Variants in FARP1 observed in about 807,000 individuals in gnomAD.
FARP1 encodes the protein FERM, ARHGEF and pleckstrin domain-containing protein 1.
FARP1 carries 52 observed loss-of-function variants against 128.8 expected under a neutral mutation model. The ratio of observed to expected loss-of-function variants is 0.40; its 90% confidence interval spans 0.32 to 0.51. The LOEUF is 0.51. FARP1 is among the 20% of genes least tolerant of loss of function. The pLI, the probability that FARP1 is intolerant of heterozygous loss-of-function variation, is 0.45. For missense variants in FARP1, 1,333 were observed against 1,367.9 expected, an observed-to-expected ratio of 0.97 and a Z score of 0.40; for synonymous variants, 580 against 551.8, an observed-to-expected ratio of 1.05 and a Z score of -0.72.
intron 16 of FARP1, among the ~76,000 whole-genome samples, chr13:98,418,297 T>G (rs1891466883): frequency 6.6e-6 from 1 of 151,772 alleles, no homozygotes; most frequent in Non-Finnish European, 1.5e-5. Flanking sequence ...TTTTTTGAGA[T>G]GGAGTTTCCC....
intron 2 of FARP1, among the ~76,000 whole-genome samples, chr13:98,287,871 G>T (rs1280687607): frequency 6.9e-6 from 1 of 145,778 alleles, no homozygotes; most frequent in Non-Finnish European, 1.5e-5. Flanking sequence ...GCACGGTCTC[G>T]GCTCACTGCA....
chr13:98,217,167 A>G lies in FARP1; in HGVS notation c.171+3754A>G, dbSNP rs191427017. 5.9e-5 allele frequency among the ~76,000 whole-genome samples: 9 copies of G among 152,382 alleles called. No individual in the cohort carries two copies. The East Asian group carries it at 1.3e-3, about 23-fold the overall frequency. On this transcript the variant is annotated intron_variant, in intron 2 of 26. Transcript: ENST00000319562. ...TCCTCTCCAAGTGTTTATTCAGTTT[A>G]TGTATTTTCATTAGCAGTGTTTCTA...
chr13:98,177,262 C>T (rs866495983), intron 1 of FARP1: 15 of 1,515,116 alleles, frequency 9.9e-6, no homozygotes, highest in African/African-American at 2.8e-5. Flanking sequence ...TCCCAACGGC[C>T]GTGGCGTGCG....
At chr13:98,433,177 T>G (rs1692316500) in intron 18 of FARP1, 1 of 152,132 alleles carries the variant, frequency 6.6e-6, no homozygotes, top group Non-Finnish European at 1.5e-5. Flanking sequence ...CTGCGCCCCA[T>G]GGACCCCGCA....
chr13:98,410,263 A>G (rs982085102), intron 14 of FARP1, among the ~76,000 whole-genome samples: 33 of 152,352 alleles, frequency 2.2e-4, no homozygotes, highest in African/African-American at 7.0e-4. Flanking sequence ...AAGGGAGTTC[A>G]GGCCGATGAT....
intron 2 of FARP1, among the ~76,000 whole-genome samples, chr13:98,343,557 G>T (rs539613028): frequency 6.6e-6 from 1 of 152,206 alleles, no homozygotes; most frequent in African/African-American, 2.4e-5. Context: ...AATGCTAAGA[G>T]ATTTGCATCC....
intron 2 of FARP1, among the ~76,000 whole-genome samples, chr13:98,292,982 G>A (rs1402777619): frequency 1.3e-5 from 2 of 151,976 alleles, no homozygotes; most frequent in East Asian, 3.9e-4. Context: ...AAATAATGGA[G>A]TCATTTCAAC....
intron 1 of FARP1, among the ~76,000 whole-genome samples, chr13:98,202,841 C>T (rs1273468134): frequency 6.6e-6 from 1 of 151,980 alleles, no homozygotes; most frequent in East Asian, 1.9e-4. Context: ...TGCCTCAGCA[C>T]TGCAAGTAGC....
intron 2 of FARP1, among the ~76,000 whole-genome samples, chr13:98,260,878 T>C (rs1393556574): frequency 1.3e-5 from 2 of 152,142 alleles, no homozygotes; most frequent in Non-Finnish European, 2.9e-5. Flanking sequence ...CAGGACACAA[T>C]TCCAAATCCC....
intron 17 of FARP1, among the ~76,000 whole-genome samples, chr13:98,425,285 C>T (rs897835538): frequency 2.0e-5 from 3 of 151,252 alleles, no homozygotes; most frequent in Non-Finnish European, 2.9e-5. Flanking sequence ...TTCTAATAAC[C>T]ATGACAAAAA....
intron 2 of FARP1, among the ~76,000 whole-genome samples, chr13:98,294,651 T>C (rs1885583593): frequency 6.6e-6 from 1 of 152,124 alleles, no homozygotes; most frequent in South Asian, 2.1e-4. Flanking sequence ...ACTTTAGAGA[T>C]TGGCTTTGTT....
At chr13:98,407,750 G>T (rs1034085442) in intron 13 of FARP1, among the ~76,000 whole-genome samples, 3 of 152,150 alleles carry the variant, frequency 2.0e-5, no homozygotes, top group Non-Finnish European at 4.4e-5. Flanking sequence ...AGGTACAGTG[G>T]ATCTTCCTCC....
chr13:98,374,883 G>A (rs1241810327), intron 5 of FARP1, among the ~76,000 whole-genome samples: 2 of 152,204 alleles, frequency 1.3e-5, no homozygotes, highest in Non-Finnish European at 2.9e-5. Context: ...GAGGAGGTGG[G>A]TGGAACAGGG....
rs199662757 is a variant in FARP1, at chr13:98,343,811, A to G, written c.221A>G (p.Asn74Ser). ...CTGGATGCAGTTTGCAACCACCTCA[A>G]CCTCGTGGAAGGTGACTATTTTGGC... The part of the protein sequence containing the change: ...VLLDAVCNHL[N>S]LVEGDYFGLE... The change falls in exon 3 of 27, where the codon AAC becomes AGC. Residue 74 changes from asparagine (N) to serine (S), a missense_variant. Physicochemically the swap from Asn to Ser is conservative, Grantham distance 46. Coordinates refer to ENST00000319562, the MANE Select transcript of FARP1 (RefSeq NM_005766.4). 1 of 1,614,050 alleles carries G rather than the reference A, an allele frequency of 6.2e-7. No homozygotes were observed. Among genetic ancestry groups the G allele is most frequent in the Admixed American group, 1.7e-5 (1 of 60,016 alleles).
At chr13:98,351,610 T>TAAAAAA in intron 3 of FARP1, among the ~76,000 whole-genome samples, 1 of 124,644 alleles carries the variant, frequency 8.0e-6, no homozygotes, top group Non-Finnish European at 1.7e-5. Context: ...AGACTCCATC[T>TAAAAAA]AAAAAAAAAA....
chr13:98,305,977 C>T (rs1382222091), intron 2 of FARP1, among the ~76,000 whole-genome samples: 6 of 152,094 alleles, frequency 3.9e-5, no homozygotes, highest in Non-Finnish European at 8.8e-5. Flanking sequence ...CACAACTCCA[C>T]GCTTTGCTGT....
intron 2 of FARP1, among the ~76,000 whole-genome samples, chr13:98,295,151 C>A (rs931495751): frequency 3.3e-5 from 5 of 149,908 alleles, no homozygotes; most frequent in African/African-American, 9.8e-5. Context: ...GCAAGTCTGT[C>A]TACTTACATA....
At position 98,231,630 on chromosome 13, in the gene FARP1, G is replaced by T. The variant is rs181632787; in HGVS notation, c.171+18217G>T. Among the ~76,000 whole-genome samples the T allele has an allele frequency of 1.3e-3, 194 of 151,954 alleles. 2 individuals are homozygous for T. Among genetic ancestry groups the T allele is most frequent in the Non-Finnish European group, 2.5e-3 (172 of 67,968 alleles). On this transcript the variant is annotated intron_variant, in intron 2 of 26. Coordinates refer to ENST00000319562, the MANE Select transcript of FARP1 (RefSeq NM_005766.4). Reference sequence around the variant, plus strand: ...TTTTTTGTATTTTTAGTAGAGACAGGGTTCCACCATGTTGGCCAGGCTGGT... The same window carrying T: ...TTTTTTGTATTTTTAGTAGAGACAGTGTTCCACCATGTTGGCCAGGCTGGT...
chr13:98,362,926 C>CCTCT (rs1888931023), intron 3 of FARP1, among the ~76,000 whole-genome samples: 20 of 152,196 alleles, frequency 1.3e-4, no homozygotes, highest in Admixed American at 1.3e-3. Flanking sequence ...CTGGTTGTTA[C>CCTCT]GTCTTCAGTT....
Sources: allele counts gnomAD v4.1 joint callset (sites outside exome capture counted in the v4.1 genomes callset), GRCh38; gene constraint gnomAD v4.1.1; transcripts MANE v1.5; gene names NCBI Gene and HGNC (gene_info 2026-07-23, HGNC 2026-07-21).